SGCZ: variants seen among roughly 807,000 people sequenced by gnomAD.
SGCZ encodes the protein zeta-sarcoglycan.
A neutral mutation model predicts 41.3 loss-of-function variants in SGCZ; 40 were observed. That is an observed-to-expected ratio of 0.97 (90% CI 0.75 to 1.26). The LOEUF (loss-of-function observed/expected upper bound fraction) is 1.26. Ranked by LOEUF, SGCZ falls within the 50% of genes most tolerant of loss-of-function variation. SGCZ has a pLI of 0.00. For synonymous variants in SGCZ, 206 were observed against 137.5 expected (o/e 1.50, Z -3.49); for missense variants, 552 against 369.8 (o/e 1.49, Z -4.04).
At chr8:15,093,929 A>G (rs561684994) in intron 1 of SGCZ, among the ~76,000 whole-genome samples, 2 of 152,256 alleles carry the variant, frequency 1.3e-5, no homozygotes, top group East Asian at 1.9e-4. Flanking sequence ...GGGTTCTTCT[A>G]TGGGTCCTTG....
chr8:14,422,833 C>T (rs1288563438), intron 2 of SGCZ, among the ~76,000 whole-genome samples: 1 of 152,078 alleles, frequency 6.6e-6, no homozygotes, highest in African/African-American at 2.4e-5. Flanking sequence ...CTGAGACCAG[C>T]CTGGGCAAAA....
chr8:14,498,695 T>A (rs1175375885), intron 2 of SGCZ, among the ~76,000 whole-genome samples: 2 of 152,088 alleles, frequency 1.3e-5, no homozygotes, highest in Non-Finnish European at 2.9e-5. Flanking sequence ...ACTTGTTGAT[T>A]AAAATTGAAT....
intron 1 of SGCZ, among the ~76,000 whole-genome samples, chr8:14,909,684 T>C (rs936981978): frequency 2.6e-5 from 4 of 152,158 alleles, no homozygotes; most frequent in Non-Finnish European, 2.9e-5. Flanking sequence ...TTATAAGGCA[T>C]AGTTCTAACC....
intron 1 of SGCZ, among the ~76,000 whole-genome samples, chr8:14,970,828 A>C (rs925097704): frequency 3.9e-5 from 6 of 152,070 alleles, no homozygotes; most frequent in Admixed American, 2.6e-4. Context: ...TTCTCACACA[A>C]AAAAAAGTCA....
chr8:14,126,783 A>G (rs886679299), intron 5 of SGCZ, among the ~76,000 whole-genome samples: 1 of 152,214 alleles, frequency 6.6e-6, no homozygotes, highest in Non-Finnish European at 1.5e-5. Context: ...GTGCATATAC[A>G]CCACGGAATA....
At chr8:14,154,668 G>T (rs963156632) in intron 5 of SGCZ, among the ~76,000 whole-genome samples, 1 of 152,164 alleles carries the variant, frequency 6.6e-6, no homozygotes, top group Non-Finnish European at 1.5e-5. Context: ...TTTAAAACAT[G>T]TCTACAAGTT....
At chr8:14,716,703 C>G (rs1452698460) in intron 1 of SGCZ, among the ~76,000 whole-genome samples, 1 of 152,026 alleles carries the variant, frequency 6.6e-6, no homozygotes, top group Admixed American at 6.6e-5. Context: ...ACAGATAACA[C>G]AAGTTTCTAA....
chr8:14,879,023 T>C (rs1374807850), intron 1 of SGCZ: 1 of 152,142 alleles, frequency 6.6e-6, no homozygotes, highest in Non-Finnish European at 1.5e-5. Context: ...TGGCTCAAAG[T>C]CCTTTAAAAC....
intron 1 of SGCZ, among the ~76,000 whole-genome samples, chr8:14,957,883 A>G (rs571423787): frequency 3.9e-5 from 6 of 152,176 alleles, no homozygotes; most frequent in South Asian, 4.1e-4. Context: ...GTAAATGTTC[A>G]TTCATTTACT....
intron 1 of SGCZ, among the ~76,000 whole-genome samples, chr8:15,220,618 A>T (rs369710557): frequency 6.6e-6 from 1 of 152,266 alleles, no homozygotes; most frequent in East Asian, 1.9e-4. Flanking sequence ...TTCCTCAAGG[A>T]TCTAGAACTG....
chr8:14,932,807 T>C (rs962563272), intron 1 of SGCZ, among the ~76,000 whole-genome samples: 1 of 152,018 alleles, frequency 6.6e-6, no homozygotes, highest in African/African-American at 2.4e-5. Flanking sequence ...CTTTTCTAAA[T>C]GCATTACAGA....
intron 1 of SGCZ, among the ~76,000 whole-genome samples, chr8:15,033,653 C>T (rs533904541): frequency 7.0e-4 from 106 of 152,220 alleles, no homozygotes; most frequent in African/African-American, 2.4e-3. Flanking sequence ...AAGCTCCAGA[C>T]GCATCCCAGT....
chr8:14,843,376 G>A (rs1017514529), intron 1 of SGCZ, among the ~76,000 whole-genome samples: 1 of 151,922 alleles, frequency 6.6e-6, no homozygotes, highest in African/African-American at 2.4e-5. Flanking sequence ...TAAAACTAGT[G>A]AAATCAACAC....
intron 3 of SGCZ, among the ~76,000 whole-genome samples, chr8:14,288,870 G>T (rs1427903832): frequency 6.6e-6 from 1 of 152,070 alleles, no homozygotes; most frequent in African/African-American, 2.4e-5. Context: ...TTTCCATGGG[G>T]CTGTCCTATT....
intron 3 of SGCZ, among the ~76,000 whole-genome samples, chr8:14,277,999 G>A (rs1166258418): frequency 6.6e-6 from 1 of 152,104 alleles, no homozygotes; most frequent in Non-Finnish European, 1.5e-5. Context: ...AGGGCAGCAC[G>A]AAGAGATTAC....
At chr8:14,477,709 A>G (rs1369322341) in intron 2 of SGCZ, among the ~76,000 whole-genome samples, 2 of 152,192 alleles carry the variant, frequency 1.3e-5, no homozygotes, top group African/African-American at 4.8e-5. Context: ...TGCTTTTCCT[A>G]AGAATATGCT....
chr8:14,807,066 G>C (rs1440639789), intron 1 of SGCZ, among the ~76,000 whole-genome samples: 1 of 152,088 alleles, frequency 6.6e-6, no homozygotes, highest in Non-Finnish European at 1.5e-5. Context: ...ATTAGGTATT[G>C]ATGGGACATA....
intron 2 of SGCZ, among the ~76,000 whole-genome samples, chr8:14,494,161 A>G (rs1450998583): frequency 1.4e-5 from 2 of 147,332 alleles, no homozygotes; most frequent in African/African-American, 5.4e-5. Context: ...AATTAATCTG[A>G]TAAACAACAC....
At chr8:14,145,983 C>A (rs189792090) in intron 5 of SGCZ, among the ~76,000 whole-genome samples, 2 of 152,114 alleles carry the variant, frequency 1.3e-5, no homozygotes, top group Admixed American at 1.3e-4. Flanking sequence ...AGTTATTGTC[C>A]TTAAAAGAAG....
Sources: allele counts gnomAD v4.1 joint callset (sites outside exome capture counted in the v4.1 genomes callset), GRCh38; gene constraint gnomAD v4.1.1; transcripts MANE v1.5; gene names NCBI Gene and HGNC (gene_info 2026-07-23, HGNC 2026-07-21).